Variants in ADARB1 observed in about 807,000 individuals in gnomAD.
ADARB1 encodes the protein double-stranded RNA-specific editase 1.
ADARB1 carries 10 observed loss-of-function variants against 52.4 expected under a neutral mutation model. That is an observed-to-expected ratio of 0.19 (90% CI 0.12 to 0.32). The LOEUF is 0.32. Among genes scored for constraint, ADARB1 ranks in the 10% least tolerant of loss-of-function variants. The pLI is 1.00. For missense variants in ADARB1, 643 were observed against 922.3 expected (o/e 0.70, Z 3.92); for synonymous variants, 349 against 371.1 (o/e 0.94, Z 0.68).
Position 45,223,716 on chromosome 21 carries a change from C to T in ADARB1, c.*1519C>T. On this transcript the variant is annotated 3_prime_UTR_variant, in exon 11 of 11. Transcript: ENST00000348831. Reference sequence around the variant, plus strand: ...AACCAGAGCAGGGGCAGAGGGGCGTCATCCTCCCACCGGACGCTGGGAGCT... The same window carrying T: ...AACCAGAGCAGGGGCAGAGGGGCGTTATCCTCCCACCGGACGCTGGGAGCT... 2.0e-6 allele frequency: 2 copies of T among 985,478 alleles called. No homozygotes were observed. The highest frequency in any genetic ancestry group is 2.4e-6 in the Non-Finnish European group (2 of 830,004). The allele number at this position is 985,478 out of a possible 1,614,324, so 61.0% of individuals were successfully genotyped here.
At chr21:45,113,170 A>G (rs922320581) in intron 1 of ADARB1, among the ~76,000 whole-genome samples, 5 of 152,120 alleles carry the variant, frequency 3.3e-5, no homozygotes, top group African/African-American at 1.2e-4. Flanking sequence ...CACGCCTGTA[A>G]TTCCAGCACT....
At chr21:45,085,471 G>A (rs1391697827) in intron 1 of ADARB1, among the ~76,000 whole-genome samples, 1 of 152,180 alleles carries the variant, frequency 6.6e-6, no homozygotes, top group Non-Finnish European at 1.5e-5. Context: ...CGCCGTGGCT[G>A]CAGTTAAACA....
At chr21:45,132,552 C>T (rs1384187140) in intron 2 of ADARB1, among the ~76,000 whole-genome samples, 1 of 152,204 alleles carries the variant, frequency 6.6e-6, no homozygotes, top group African/African-American at 2.4e-5. Context: ...GGGACCAGGC[C>T]TGCTACCTTG....
intron 8 of ADARB1, among the ~76,000 whole-genome samples, chr21:45,201,896 G>C (rs1034393190): frequency 7.9e-5 from 12 of 152,136 alleles, no homozygotes; most frequent in Non-Finnish European, 1.6e-4. Flanking sequence ...GACCTAAAGT[G>C]GGGGCAGCCA....
chr21:45,206,607 T>A (rs565590340), intron 9 of ADARB1, among the ~76,000 whole-genome samples: 4 of 140,080 alleles, frequency 2.9e-5, no homozygotes, highest in Admixed American at 7.3e-5. Context: ...AGAGTCTTGC[T>A]CTATTGCCCA....
chr21:45,098,939 A>T (rs2086884878), intron 1 of ADARB1, among the ~76,000 whole-genome samples: 1 of 152,148 alleles, frequency 6.6e-6, no homozygotes, highest in African/African-American at 2.4e-5. Context: ...TATTCTTAGT[A>T]TTCTAGGTTT....
At position 45,200,877 on chromosome 21, in the gene ADARB1, C is replaced by T. The variant is rs527388487; in HGVS notation, c.1566-3678C>T. 3.3e-5 allele frequency among the ~76,000 whole-genome samples: 5 copies of T among 152,272 alleles called. No individual in the cohort carries two copies. The highest frequency in any genetic ancestry group is 3.9e-4 in the East Asian group (2 of 5,184). ...CTGTCTGCAGCTCAGTCTCTCAGGC[C>T]GGGCCCTTTACTGAATCAGGGGACA... On this transcript the variant is annotated intron_variant, in intron 8 of 10. Coordinates refer to ENST00000348831, the MANE Select transcript of ADARB1 (RefSeq NM_001112.4). The surrounding 1 kb of genome is among the most constrained non-coding windows in gnomAD (Gnocchi z 5.0).
intron 8 of ADARB1, among the ~76,000 whole-genome samples, chr21:45,202,102 G>T (rs2092566898): frequency 6.6e-6 from 1 of 152,074 alleles, no homozygotes; most frequent in Non-Finnish European, 1.5e-5. Context: ...CCAGGGAATG[G>T]CCTGTGCTGG....
chr21:45,126,121 T>G (rs2088562032), intron 1 of ADARB1, among the ~76,000 whole-genome samples: 1 of 152,230 alleles, frequency 6.6e-6, no homozygotes, highest in Non-Finnish European at 1.5e-5. Context: ...ATATGGGACT[T>G]TCTAGTTATA....
intron 2 of ADARB1, chr21:45,137,332 T>C (rs1285114590): frequency 2.0e-5 from 3 of 152,248 alleles, no homozygotes; most frequent in Non-Finnish European, 4.4e-5. Flanking sequence ...CAGCCGCTTG[T>C]GATCCTGATA....
Position 45,151,635 on chromosome 21 carries a change from A to G in ADARB1, c.-47-19975A>G, listed in dbSNP as rs528748487. On this transcript the variant is annotated intron_variant, in intron 2 of 10. Transcript: ENST00000348831. ...CCAGAGACACAGGCCATCTCAGGGGAGGTATCTCCCTGGGGCCTGAACAGC... is the reference window on the plus strand; with the variant it reads ...CCAGAGACACAGGCCATCTCAGGGGGGGTATCTCCCTGGGGCCTGAACAGC... Among the ~76,000 whole-genome samples the G allele has an allele frequency of 2.0e-5, 3 of 152,150 alleles. No homozygotes were observed. The East Asian group carries it at 5.8e-4, about 29-fold the overall frequency.
At chr21:45,156,669 C>G (rs1178481000) in intron 2 of ADARB1, among the ~76,000 whole-genome samples, 5 of 150,486 alleles carry the variant, frequency 3.3e-5, no homozygotes, top group African/African-American at 1.2e-4. Flanking sequence ...CCATCCACCC[C>G]CCCACGCACC....
At chr21:45,203,176 C>G (rs2092596374) in intron 8 of ADARB1, among the ~76,000 whole-genome samples, 1 of 152,182 alleles carries the variant, frequency 6.6e-6, no homozygotes, top group African/African-American at 2.4e-5. Flanking sequence ...TCATCAAGCT[C>G]CTGGCTGCTT....
chr21:45,201,610 G>C (rs901711199), intron 8 of ADARB1, among the ~76,000 whole-genome samples: 31 of 152,152 alleles, frequency 2.0e-4, no homozygotes, highest in African/African-American at 7.0e-4. Flanking sequence ...GGAATTGGAG[G>C]ATTTGTCCAT....
chr21:45,115,082 T>A (rs1037496493), intron 1 of ADARB1, among the ~76,000 whole-genome samples: 7 of 86,406 alleles, frequency 8.1e-5, no homozygotes, highest in Non-Finnish European at 1.6e-4. Context: ...AGCCTCTTGC[T>A]TTGTTAAGGG....
Position 45,204,711 on chromosome 21 carries a change from C to T in ADARB1, c.1722C>T (p.Tyr574=), listed in dbSNP as rs2092632472. ...ISNIEDLPPL[Y]TLNKPLLSGI... is the part of the protein sequence containing the mutation. Reference sequence around the variant, plus strand: ...ACATAGAGGACCTGCCACCTCTCTACACCCTCAACAAGCCTTTGCTCAGTG... The same window carrying T: ...ACATAGAGGACCTGCCACCTCTCTATACCCTCAACAAGCCTTTGCTCAGTG... The change falls in exon 9 of 11, where the codon TAC becomes TAT. Residue 574 remains tyrosine (Y), a synonymous_variant. Coordinates refer to ENST00000348831, the MANE Select transcript of ADARB1 (RefSeq NM_001112.4). This position sits in a 1 kb window ranked among gnomAD's most constrained non-coding sequence, Gnocchi z 4.4. The T allele has an allele frequency of 1.2e-6, 2 of 1,614,150 alleles. No homozygotes were observed. Among genetic ancestry groups the T allele is most frequent in the Non-Finnish European group, 1.7e-6 (2 of 1,180,012 alleles).
intron 8 of ADARB1, among the ~76,000 whole-genome samples, chr21:45,189,691 A>G (rs1250369007): frequency 6.6e-6 from 1 of 151,018 alleles, no homozygotes; most frequent in Non-Finnish European, 1.5e-5. Context: ...TCATTTTTGA[A>G]GGACAGTTTT....
At chr21:45,207,228 A>C (rs184199018) in intron 9 of ADARB1, among the ~76,000 whole-genome samples, 3 of 152,366 alleles carry the variant, frequency 2.0e-5, no homozygotes. Context: ...AATGCAAACT[A>C]TTTGAAATAT....
At position 45,221,033 on chromosome 21, in the gene ADARB1, C is replaced by T. The variant is rs368716359; in HGVS notation, c.1926+19C>T. ...CGGCAAGGTACTGAGGCGCCCTCAC[C>T]GCAATGCGCCGGCTCCACCTCCCCA... On this transcript the variant is annotated intron_variant, in intron 10 of 10. Transcript: ENST00000348831. The surrounding 1 kb of genome is among the most constrained non-coding windows in gnomAD (Gnocchi z 4.9). 55 of 1,587,666 alleles carry T rather than the reference C, an allele frequency of 3.5e-5. No individual in the cohort carries two copies. The highest frequency in any genetic ancestry group is 8.5e-5 in the Admixed American group (5 of 58,754).
Sources: allele counts gnomAD v4.1 joint callset (sites outside exome capture counted in the v4.1 genomes callset), GRCh38; gene constraint gnomAD v4.1.1; non-coding constraint Gnocchi (gnomAD v3.1); transcripts MANE v1.5; gene names NCBI Gene and HGNC (gene_info 2026-07-23, HGNC 2026-07-21).